The following MPPED2 variants were observed in gnomAD, a reference collection of about 807,000 sequenced individuals.
The protein encoded by MPPED2 is metallophosphoesterase MPPED2.
Under a neutral mutation model 33.0 loss-of-function variants are expected in MPPED2, and 5 were observed. The observed-to-expected ratio is 0.15, with a 90% CI of 0.08 to 0.32. The LOEUF is 0.32. MPPED2 is among the 10% of genes least tolerant of loss of function. MPPED2 has a pLI of 1.00. For missense variants in MPPED2, 275 were observed against 372.1 expected (o/e 0.74, Z 2.15); for synonymous variants, 136 against 141.9 (o/e 0.96, Z 0.29).
chr11:30,489,069 CTAAGT>C (rs1951864068), intron 4 of MPPED2, among the ~76,000 whole-genome samples: 21 of 135,096 alleles, frequency 1.6e-4, no homozygotes, highest in African/African-American at 5.9e-4. Context: ...TTTTTTTTGC[CTAAGT>C]TAATTACAAA....
At chr11:30,447,213 C>T (rs1460908124) in intron 4 of MPPED2, among the ~76,000 whole-genome samples, 1 of 152,164 alleles carries the variant, frequency 6.6e-6, no homozygotes, top group Non-Finnish European at 1.5e-5. Flanking sequence ...CAAAAGCCAT[C>T]CTAGGCTGCT....
intron 2 of MPPED2, among the ~76,000 whole-genome samples, chr11:30,552,753 T>A (rs1241930206): frequency 1.3e-5 from 2 of 152,204 alleles, no homozygotes; most frequent in South Asian, 2.1e-4. Context: ...CCCTTTGCTA[T>A]ACCCCCCAAA....
chr11:30,502,646 ATGGAGGTC>A lies in MPPED2; in HGVS notation c.311-7133_311-7126del, dbSNP rs1186263864. On this transcript the variant is annotated intron_variant, in intron 3 of 6. Transcript: ENST00000358117. ...ATGAGGATGAGATTTTGATAGGAAA[ATGGAGGTC>A]TGAGGTAATAAATTCAAACACCTAC... is the stretch of plus-strand genomic sequence containing the variant. Among the ~76,000 whole-genome samples, 3 of 152,314 alleles carry A rather than the reference ATGGAGGTC, an allele frequency of 2.0e-5. No individual in the cohort carries two copies. In the East Asian group the frequency reaches 5.8e-4, roughly 29 times the overall value.
intron 4 of MPPED2, among the ~76,000 whole-genome samples, chr11:30,422,616 A>G (rs571502353): frequency 2.0e-4 from 31 of 152,272 alleles, no homozygotes; most frequent in Non-Finnish European, 3.2e-4. Context: ...GAGCCCCACA[A>G]TGGGTTTTGT....
At position 30,508,751 on chromosome 11, in the gene MPPED2, C is replaced by T. The variant is rs147852015; in HGVS notation, c.311-13230G>A. Among the ~76,000 whole-genome samples, 132 of 152,250 alleles carry T rather than the reference C, an allele frequency of 8.7e-4. 1 individual carries two copies. Among genetic ancestry groups the T allele is most frequent in the African/African-American group, 3.0e-3 (123 of 41,548 alleles). On this transcript the variant is annotated intron_variant, in intron 3 of 6. Transcript: ENST00000358117. ...TATTGCCCACAGACAAAGGGCCAAA[C>T]GTTCTGTGGTATGGTGTGTAGAACT...
intron 4 of MPPED2, among the ~76,000 whole-genome samples, chr11:30,452,764 T>C (rs1038117405): frequency 3.9e-5 from 6 of 152,130 alleles, no homozygotes; most frequent in Non-Finnish European, 7.3e-5. Flanking sequence ...AGTGTGAGGA[T>C]ACAGAAACCA....
At chr11:30,536,241 C>A in intron 2 of MPPED2, 66 bp from the exon 3 acceptor site, 1 of 1,336,330 alleles carries the variant, frequency 7.5e-7, no homozygotes, top group Non-Finnish European at 9.9e-7. Context: ...TGTCGTCGCA[C>A]ATACATATTT....
intron 2 of MPPED2, among the ~76,000 whole-genome samples, chr11:30,561,976 G>A (rs750133171): frequency 4.6e-5 from 7 of 152,042 alleles, no homozygotes; most frequent in African/African-American, 9.7e-5. Flanking sequence ...TTTGATACTC[G>A]ACCATAGTCA....
chr11:30,529,311 A>G (rs1431330504), intron 3 of MPPED2, among the ~76,000 whole-genome samples: 2 of 152,232 alleles, frequency 1.3e-5, no homozygotes, highest in African/African-American at 4.8e-5. Flanking sequence ...TGGAAATATA[A>G]TTATGGAGGA....
intron 3 of MPPED2, among the ~76,000 whole-genome samples, chr11:30,511,580 T>G (rs369047025): frequency 7.9e-5 from 12 of 152,088 alleles, no homozygotes; most frequent in Non-Finnish European, 1.6e-4. Flanking sequence ...TACGGCACAA[T>G]GTAAGAAGGC....
At chr11:30,459,614 T>C (rs1565089071) in intron 4 of MPPED2, among the ~76,000 whole-genome samples, 1 of 152,290 alleles carries the variant, frequency 6.6e-6, no homozygotes, top group South Asian at 2.1e-4. Context: ...ATAGCAGTTT[T>C]CAAATCCACA....
chr11:30,488,639 G>T (rs1274389689), intron 4 of MPPED2, among the ~76,000 whole-genome samples: 3 of 152,178 alleles, frequency 2.0e-5, no homozygotes, highest in Non-Finnish European at 4.4e-5. Context: ...AATAAACAGG[G>T]CAGTTGTTAA....
chr11:30,509,553 A>G (rs1953030006), intron 3 of MPPED2, among the ~76,000 whole-genome samples: 1 of 152,184 alleles, frequency 6.6e-6, no homozygotes, highest in Non-Finnish European at 1.5e-5. Context: ...CTGGCTTTGC[A>G]GAGGCCACTC....
intron 2 of MPPED2, among the ~76,000 whole-genome samples, chr11:30,565,258 A>G (rs1956398117): frequency 6.6e-6 from 1 of 152,046 alleles, no homozygotes; most frequent in Admixed American, 6.5e-5. Context: ...GCTTGGCCCT[A>G]ACAGCATCCT....
At chr11:30,568,596 C>T (rs911476335) in intron 2 of MPPED2, among the ~76,000 whole-genome samples, 9 of 152,138 alleles carry the variant, frequency 5.9e-5, no homozygotes, top group Admixed American at 2.6e-4. Context: ...CTCATAAAGA[C>T]AGGCAGGCAG....
At chr11:30,528,830 G>A (rs532637532) in intron 3 of MPPED2, among the ~76,000 whole-genome samples, 2 of 152,044 alleles carry the variant, frequency 1.3e-5, no homozygotes, top group Admixed American at 6.6e-5. Flanking sequence ...TATGTGACAC[G>A]GACTCTCAAA....
intron 4 of MPPED2, among the ~76,000 whole-genome samples, chr11:30,481,737 C>T (rs1331275267): frequency 6.6e-6 from 1 of 152,054 alleles, no homozygotes; most frequent in African/African-American, 2.4e-5. Context: ...AAACGCAGCA[C>T]CAAAAAGGTC....
chr11:30,415,002 A>C (rs1948279246), intron 5 of MPPED2, among the ~76,000 whole-genome samples: 1 of 152,188 alleles, frequency 6.6e-6, no homozygotes. Flanking sequence ...AAAAACTGAC[A>C]TCAATTATAG....
intron 4 of MPPED2, among the ~76,000 whole-genome samples, chr11:30,460,332 G>T (rs1950470124): frequency 6.6e-6 from 1 of 152,132 alleles, no homozygotes; most frequent in Admixed American, 6.5e-5. Context: ...TTACTGACAA[G>T]AATCAGGCTG....
Sources: allele counts gnomAD v4.1 joint callset (sites outside exome capture counted in the v4.1 genomes callset), GRCh38; gene constraint gnomAD v4.1.1; transcripts MANE v1.5; gene names NCBI Gene and HGNC (gene_info 2026-07-23, HGNC 2026-07-21).